ADARB2: variants seen among roughly 807,000 people sequenced by gnomAD.
ADARB2 encodes adenosine deaminase RNA specific B2 (inactive).
Under a neutral mutation model 62.2 loss-of-function variants are expected in ADARB2, and 25 were observed. The observed-to-expected ratio is 0.40, with a 90% CI of 0.29 to 0.56. ADARB2 has a LOEUF of 0.56. Ranked by LOEUF, ADARB2 falls within the 20% of genes least tolerant of loss-of-function variation. ADARB2 has a pLI of 0.43. For missense variants in ADARB2, 1,071 were observed against 1,077.4 expected (o/e 0.99, Z 0.08); for synonymous variants, 572 against 500.8 (o/e 1.14, Z -1.90).
intron 1 of ADARB2, among the ~76,000 whole-genome samples, chr10:1,617,621 C>T (rs1291274180): frequency 1.4e-5 from 2 of 143,968 alleles, no homozygotes; most frequent in Admixed American, 1.4e-4. Context: ...ATCCTGGGAA[C>T]TGGCGTCAGA....
chr10:1,561,230 C>T lies in ADARB2; in HGVS notation c.100+175821G>A, dbSNP rs111989337. 5.7e-3 allele frequency among the ~76,000 whole-genome samples: 869 copies of T among 152,320 alleles called. 50 individuals are homozygous for T. The East Asian group carries it at 0.13, about 22-fold the overall frequency. The stretch of plus-strand genomic sequence containing the variant: ...TGTGTGGGTCACTGGCAGCCCCTCT[C>T]TCTCCAGACCTGCCCAGCTCTGAGT... On this transcript the variant is annotated intron_variant, in intron 1 of 9. Transcript: ENST00000381312.
At chr10:1,476,488 G>T (rs1043151361) in intron 1 of ADARB2, among the ~76,000 whole-genome samples, 3 of 152,344 alleles carry the variant, frequency 2.0e-5, no homozygotes, top group Non-Finnish European at 2.9e-5. Context: ...TCCTGAAGAC[G>T]CCTGGGCTGC....
At chr10:1,732,762 G>C (rs976988533) in intron 1 of ADARB2, among the ~76,000 whole-genome samples, 1 of 152,204 alleles carries the variant, frequency 6.6e-6, no homozygotes, top group Non-Finnish European at 1.5e-5. Context: ...CGGAGCCCAC[G>C]GCCGCTCTGC....
intron 1 of ADARB2, among the ~76,000 whole-genome samples, chr10:1,508,189 G>C (rs1831876252): frequency 6.6e-6 from 1 of 152,154 alleles, no homozygotes; most frequent in Non-Finnish European, 1.5e-5. Flanking sequence ...TGCGTTTGAG[G>C]GCCCCTTGGT....
At chr10:1,494,162 A>T (rs1831658916) in intron 1 of ADARB2, among the ~76,000 whole-genome samples, 1 of 152,176 alleles carries the variant, frequency 6.6e-6, no homozygotes, top group Non-Finnish European at 1.5e-5. Context: ...TCAATAGAAA[A>T]TTTAGCAAAA....
chr10:1,471,691 C>A (rs1831324797), intron 1 of ADARB2, among the ~76,000 whole-genome samples: 1 of 152,204 alleles, frequency 6.6e-6, no homozygotes, highest in African/African-American at 2.4e-5. Context: ...CCATGCCTGG[C>A]CTGTATAATT....
At chr10:1,640,947 A>G (rs1177570784) in intron 1 of ADARB2, among the ~76,000 whole-genome samples, 1 of 152,218 alleles carries the variant, frequency 6.6e-6, no homozygotes, top group African/African-American at 2.4e-5. Context: ...CTTGGCTACA[A>G]TTGCAAGATC....
chr10:1,387,510 A>C (rs1290530052), intron 1 of ADARB2, among the ~76,000 whole-genome samples: 1 of 152,034 alleles, frequency 6.6e-6, no homozygotes, highest in Admixed American at 6.5e-5. Context: ...CATATTTGCA[A>C]TGGGAACATT....
intron 1 of ADARB2, 32 bp from the exon 2 acceptor site, chr10:1,379,192 G>T: frequency 1.3e-6 from 2 of 1,544,500 alleles, no homozygotes; most frequent in Non-Finnish European, 1.8e-6. Context: ...ATGCACTTTT[G>T]ACATGGAGTT....
chr10:1,338,124 A>G (rs187413568), intron 3 of ADARB2, among the ~76,000 whole-genome samples: 94 of 152,382 alleles, frequency 6.2e-4, no homozygotes, highest in African/African-American at 2.0e-3. Context: ...AGGAACTTTG[A>G]GGAAGAACTA....
At chr10:1,532,696 A>G (rs1057445530) in intron 1 of ADARB2, among the ~76,000 whole-genome samples, 1 of 152,144 alleles carries the variant, frequency 6.6e-6, no homozygotes, top group African/African-American at 2.4e-5. Context: ...AGCCGTGATG[A>G]TCAGAAACAT....
intron 3 of ADARB2, among the ~76,000 whole-genome samples, chr10:1,310,671 G>C (rs1470388056): frequency 6.6e-6 from 1 of 152,184 alleles, no homozygotes; most frequent in Non-Finnish European, 1.5e-5. Flanking sequence ...AGGTCCTCAC[G>C]GTACCTCTGG....
intron 1 of ADARB2, among the ~76,000 whole-genome samples, chr10:1,396,250 T>A (rs1832612199): frequency 6.6e-6 from 1 of 152,082 alleles, no homozygotes; most frequent in Non-Finnish European, 1.5e-5. Context: ...CGTGCGACTC[T>A]CTCCAGCCTT....
At position 1,242,302 on chromosome 10, in the gene ADARB2, G is replaced by A; in HGVS notation, c.1193-3C>T. 6.4e-7 allele frequency: 1 copy of A among 1,552,602 alleles called. No individual in the cohort carries two copies. The highest frequency in any genetic ancestry group is 8.7e-7 in the Non-Finnish European group (1 of 1,150,300). On this transcript the variant is annotated splice_region_variant and splice_polypyrimidine_tract_variant and intron_variant, in intron 4 of 9. Coordinates refer to ENST00000381312, the MANE Select transcript of ADARB2 (RefSeq NM_018702.4). ...CTGCGCCTGCCGAGCATCCAGGCCT[G>A]GGGACACAGATAGCATCAGAGCAGC...
chr10:1,530,394 C>T (rs1832215772), intron 1 of ADARB2, among the ~76,000 whole-genome samples: 1 of 152,224 alleles, frequency 6.6e-6, no homozygotes, highest in African/African-American at 2.4e-5. Flanking sequence ...GTTTCCAAAC[C>T]CAGCACCCGG....
intron 1 of ADARB2, among the ~76,000 whole-genome samples, chr10:1,507,371 C>G (rs112116147): frequency 1.3e-5 from 2 of 152,178 alleles, no homozygotes; most frequent in Admixed American, 1.3e-4. Flanking sequence ...AGCCTTGGCA[C>G]CGGACAGGAA....
At chr10:1,286,206 A>C (rs765631782) in intron 3 of ADARB2, among the ~76,000 whole-genome samples, 21 of 152,110 alleles carry the variant, frequency 1.4e-4, no homozygotes, top group Non-Finnish European at 3.1e-4. Context: ...CCTCTCAAAC[A>C]ACACACCCCG....
At chr10:1,717,485 T>C (rs149370079) in intron 1 of ADARB2, among the ~76,000 whole-genome samples, 6 of 152,058 alleles carry the variant, frequency 3.9e-5, no homozygotes, top group Non-Finnish European at 8.8e-5. Context: ...TTCTTTTCTT[T>C]CTTCCTTCCT....
intron 8 of ADARB2, among the ~76,000 whole-genome samples, chr10:1,198,233 C>G (rs1836936866): frequency 6.6e-6 from 1 of 152,184 alleles, no homozygotes; most frequent in African/African-American, 2.4e-5. Flanking sequence ...CTTTTTAACT[C>G]AGAGCTGATT....
Sources: gnomAD v4.1 joint callset for allele counts (sites outside exome capture counted in the v4.1 genomes callset) on GRCh38, gnomAD v4.1.1 for gene constraint, MANE v1.5 for transcripts, NCBI Gene and HGNC (gene_info 2026-07-23, HGNC 2026-07-21) for gene names.